KIFAP3: variants seen among roughly 807,000 people sequenced by gnomAD.
KIFAP3 encodes the protein kinesin-associated protein 3.
A neutral mutation model predicts 106.5 loss-of-function variants in KIFAP3; 68 were observed. The observed-to-expected ratio is 0.64, with a 90% CI of 0.53 to 0.78. The LOEUF (loss-of-function observed/expected upper bound fraction) is 0.78, where lower values mean the gene tolerates loss of function less well. Ranked by LOEUF, KIFAP3 falls within the 30% of genes least tolerant of loss-of-function variation. The pLI, the probability that KIFAP3 is intolerant of heterozygous loss-of-function variation, is 0.00. For missense variants in KIFAP3, 780 were observed against 941.8 expected (o/e 0.83, Z 2.25); for synonymous variants, 320 against 311.5 (o/e 1.03, Z -0.29).
chr1:170,058,994 A>G (rs962539760), intron 1 of KIFAP3, among the ~76,000 whole-genome samples: 12 of 152,230 alleles, frequency 7.9e-5, no homozygotes, highest in African/African-American at 2.9e-4. Context: ...ACAAAGAACC[A>G]GAATCTCTGG....
rs1571778530 is a variant in KIFAP3 at position 170,074,539 on chromosome 1, G to A, written c.-72C>T. Reference sequence around the variant, plus strand: ...AGGCGCGGTTATTTCCGGGGACGGTGGCCAAAGTACCCTCACACCCAGAGG... The same window carrying A: ...AGGCGCGGTTATTTCCGGGGACGGTAGCCAAAGTACCCTCACACCCAGAGG... On this transcript the variant is annotated 5_prime_UTR_variant, in exon 1 of 20. Coordinates refer to ENST00000361580, the MANE Select transcript of KIFAP3 (RefSeq NM_014970.4). 2 of 1,607,824 alleles carry A rather than the reference G, an allele frequency of 1.2e-6. No homozygotes were observed. Among genetic ancestry groups the A allele is most frequent in the Non-Finnish European group, 1.7e-6 (2 of 1,177,346 alleles).
chr1:170,032,019 G>A lies in KIFAP3; in HGVS notation c.743-35C>T, dbSNP rs1187306355. The A allele has an allele frequency of 5.4e-6, 6 of 1,107,992 alleles. No individual in the cohort carries two copies. In the Admixed American group the frequency reaches 8.6e-5, roughly 16 times the overall value. The allele number at this position is 1,107,992 out of a possible 1,614,324, so 68.6% of individuals were successfully genotyped here. On this transcript the variant is annotated intron_variant, in intron 7 of 19. Coordinates refer to ENST00000361580, the MANE Select transcript of KIFAP3 (RefSeq NM_014970.4). ...TTGTTAAGGATCATCCATACTCATT[G>A]AAGCAAAAAAAATCTACTGATAAAT...
chr1:170,079,954 G>A (rs1024235499), intron 1 of KIFAP3, among the ~76,000 whole-genome samples: 1 of 151,514 alleles, frequency 6.6e-6, no homozygotes, highest in Non-Finnish European at 1.5e-5. Flanking sequence ...TTATCCCTAC[G>A]TATTTATTGT....
At chr1:170,017,457 T>C (rs1571672482) in intron 9 of KIFAP3, among the ~76,000 whole-genome samples, 1 of 151,610 alleles carries the variant, frequency 6.6e-6, no homozygotes, top group South Asian at 2.1e-4. Flanking sequence ...AGAAAGGCAA[T>C]GGCAATACAA....
At chr1:169,945,883 G>T (rs1293597135) in intron 19 of KIFAP3, among the ~76,000 whole-genome samples, 1 of 152,024 alleles carries the variant, frequency 6.6e-6, no homozygotes, top group East Asian at 1.9e-4. Context: ...AATAAAATCT[G>T]CCCTTAAAGG....
At chr1:170,022,122 G>T (rs1315213562) in intron 9 of KIFAP3, among the ~76,000 whole-genome samples, 1 of 151,380 alleles carries the variant, frequency 6.6e-6, no homozygotes, top group African/African-American at 2.4e-5. Context: ...GCTAATTTTT[G>T]TATTTTTAGT....
In KIFAP3 at chr1:170,035,567, A is replaced by G. The variant is rs199848131; in HGVS notation, c.518-14T>C. ...CAAGGGCAGTTTCTAAAGAAAAAGGAGAGGTACCGAAACGATCATTCTCCT... is the reference window on the plus strand; with the variant it reads ...CAAGGGCAGTTTCTAAAGAAAAAGGGGAGGTACCGAAACGATCATTCTCCT... On this transcript the variant is annotated splice_polypyrimidine_tract_variant and intron_variant, in intron 5 of 19. Transcript: ENST00000361580. 8.1e-4 allele frequency: 1,238 copies of G among 1,534,240 alleles called. 1 individual carries two copies. Among genetic ancestry groups the G allele is most frequent in the Non-Finnish European group, 1.1e-3 (1,184 of 1,119,736 alleles).
intron 5 of KIFAP3, among the ~76,000 whole-genome samples, chr1:170,037,184 G>A (rs1669733911): frequency 6.6e-6 from 1 of 152,148 alleles, no homozygotes; most frequent in Non-Finnish European, 1.5e-5. Flanking sequence ...ATATGGAACA[G>A]TACCTGCCAC....
intron 10 of KIFAP3, among the ~76,000 whole-genome samples, chr1:170,016,186 GCTTC>G (rs1396362003): frequency 6.6e-6 from 1 of 151,416 alleles, no homozygotes; most frequent in Non-Finnish European, 1.5e-5. Context: ...TTTCCTTCTT[GCTTC>G]CTTATTTTTC....
rs770213276 is a variant in KIFAP3, at chr1:169,921,694, G to A, written c.2361C>T (p.Tyr787=). 6.2e-7 allele frequency: 1 copy of A among 1,613,032 alleles called. No individual in the cohort carries two copies. The highest frequency in any genetic ancestry group is 8.5e-7 in the Non-Finnish European group (1 of 1,179,094). Residue 787 remains tyrosine, a synonymous_variant, in exon 20 of 20, where the codon TAC becomes TAT. Transcript: ENST00000361580. ...AYGFRPDEPY[Y]YGYGS ...TACTTTATCAAGATCCATAGCCATA[G>A]TAGTAAGGTTCATCAGGGCGGAATC...
chr1:169,978,300 CA>C (rs1666334292), intron 15 of KIFAP3, 117 bp from the exon 16 acceptor site: 3 of 626,988 alleles, frequency 4.8e-6, no homozygotes, highest in Non-Finnish European at 8.3e-6. Context: ...GACAAGCAAG[CA>C]GAAATGGATT....
At chr1:169,952,533 A>C (rs941106548) in intron 19 of KIFAP3, among the ~76,000 whole-genome samples, 3 of 152,030 alleles carry the variant, frequency 2.0e-5, no homozygotes, top group African/African-American at 7.2e-5. Flanking sequence ...TATGAAAGGT[A>C]TTTCTTTTAA....
intron 11 of KIFAP3, among the ~76,000 whole-genome samples, chr1:169,986,584 AT>A (rs1232821686): frequency 6.6e-6 from 1 of 152,020 alleles, no homozygotes; most frequent in Non-Finnish European, 1.5e-5. Context: ...TATTTAACAG[AT>A]TTCACTACCT....
intron 17 of KIFAP3, among the ~76,000 whole-genome samples, chr1:169,970,049 T>G (rs904035127): frequency 6.6e-6 from 1 of 152,038 alleles, no homozygotes; most frequent in Non-Finnish European, 1.5e-5. Flanking sequence ...CAAATCTAAT[T>G]GAGTTTTTAG....
rs927746402 is a variant in KIFAP3, at chr1:169,975,121, A to G, written c.1898-2523T>C. Reference sequence around the variant, plus strand: ...CTATTCTCTATTAGAACTTTTTTTGAATGAATTTAATCTATGGATGGTTAA... The same window carrying G: ...CTATTCTCTATTAGAACTTTTTTTGGATGAATTTAATCTATGGATGGTTAA... On this transcript the variant is annotated intron_variant, in intron 16 of 19. Coordinates refer to ENST00000361580, the MANE Select transcript of KIFAP3 (RefSeq NM_014970.4). Among the ~76,000 whole-genome samples, 3 of 152,104 alleles carry G rather than the reference A, an allele frequency of 2.0e-5. No homozygotes were observed. The South Asian group carries it at 6.2e-4, about 32-fold the overall frequency.
In KIFAP3 at chr1:169,981,939, A is replaced by G. The variant is rs772250511; in HGVS notation, c.1798+33T>C. The G allele has an allele frequency of 2.6e-6, 4 of 1,533,122 alleles. No individual in the cohort carries two copies. In the East Asian group the frequency reaches 6.9e-5, roughly 26 times the overall value. The allele number at this position is 1,533,122 out of a possible 1,614,324, so 95.0% of individuals were successfully genotyped here. The stretch of plus-strand genomic sequence containing the variant: ...ATATTTAAATCAATAAGCTGTTTAG[A>G]CATTAACATAAAAATAAATTAAGGT... On this transcript the variant is annotated intron_variant, in intron 15 of 19. Transcript: ENST00000361580.
chr1:169,977,626 G>A (rs1558213236), intron 16 of KIFAP3, among the ~76,000 whole-genome samples: 1 of 152,110 alleles, frequency 6.6e-6, no homozygotes, highest in Non-Finnish European at 1.5e-5. Context: ...CTTTAGGTAG[G>A]TGGAAGGTAT....
At chr1:169,991,329 G>A (rs1266897382) in intron 11 of KIFAP3, among the ~76,000 whole-genome samples, 1 of 134,288 alleles carries the variant, frequency 7.4e-6, no homozygotes, top group African/African-American at 2.9e-5. Context: ...CTGGGCAACA[G>A]AGCAAGATCC....
chr1:169,943,021 T>C (rs189319284), intron 19 of KIFAP3, among the ~76,000 whole-genome samples: 215 of 149,082 alleles, frequency 1.4e-3, no homozygotes, highest in Middle Eastern at 6.9e-3. Flanking sequence ...CATTTGCAGA[T>C]TCCTTTCTCA....
Sources: allele counts gnomAD v4.1 joint callset (sites outside exome capture counted in the v4.1 genomes callset), GRCh38; gene constraint gnomAD v4.1.1; transcripts MANE v1.5; gene names NCBI Gene and HGNC (gene_info 2026-07-23, HGNC 2026-07-21).